Variants in SMARCA5 observed in about 807,000 individuals in gnomAD.
SMARCA5 encodes the protein SWI/SNF-related matrix-associated actin-dependent regulator of chromatin subfamily A member 5.
A neutral mutation model predicts 140.4 loss-of-function variants in SMARCA5; 18 were observed. That is an observed-to-expected ratio of 0.13 (90% confidence interval 0.09 to 0.19). The LOEUF (loss-of-function observed/expected upper bound fraction) is 0.19, where lower values mean the gene tolerates loss of function less well. Among genes scored for constraint, SMARCA5 ranks in the 10% least tolerant of loss-of-function variants. The pLI, the probability that SMARCA5 is intolerant of heterozygous loss-of-function variation, is 1.00. For synonymous variants in SMARCA5, 449 were observed against 419.6 expected (o/e 1.07, Z -0.86); for missense variants, 606 against 1,276.8 (o/e 0.47, Z 8.01).
chr4:143,523,345 T>A (rs1578793011), intron 3 of SMARCA5, among the ~76,000 whole-genome samples: 5 of 151,186 alleles, frequency 3.3e-5, no homozygotes, highest in South Asian at 2.1e-4. Flanking sequence ...GTTTTTTTTT[T>A]AAGTCATTCA....
chr4:143,557,078 G>C lies in SMARCA5; in HGVS notation c.*3894G>C, dbSNP rs759958803. On this transcript the variant is annotated 3_prime_UTR_variant, in exon 24 of 24. Transcript: ENST00000283131. ...GTTACCACAGATTCCCTTGTGTCCG[G>C]AGAGATTCCCTAGCTCTAATGACAG... is the stretch of plus-strand genomic sequence containing the variant. 15 of 152,184 alleles carry C rather than the reference G, an allele frequency of 9.9e-5. No individual in the cohort carries two copies. Among genetic ancestry groups the C allele is most frequent in the Non-Finnish European group, 1.6e-4 (11 of 68,052 alleles). 9.4% of individuals were successfully genotyped at this position (152,184 alleles called of 1,614,324 possible). A position where few individuals can be genotyped will look rare whatever the true frequency, so the allele number is the denominator to read the frequency against.
intron 10 of SMARCA5, 75 bp downstream of exon 10, chr4:143,535,039 T>G: frequency 9.5e-7 from 1 of 1,053,600 alleles, no homozygotes; most frequent in Non-Finnish European, 1.4e-6. Flanking sequence ...TTTTCCTAAT[T>G]TGTGTCTTCA....
intron 21 of SMARCA5, 149 bp from the exon 22 acceptor site, chr4:143,547,779 G>T: frequency 1.8e-6 from 1 of 550,334 alleles, no homozygotes; most frequent in South Asian, 3.0e-5. Context: ...GGTCTTTCGG[G>T]ACAAAGATTA....
In SMARCA5 at chr4:143,553,225, T is replaced by A; in HGVS notation, c.*41T>A. ...ATAATCACTAACTTTAAACCAGTAG[T>A]TCTTTAATTTACGGGTCTTCATAAG... On this transcript the variant is annotated 3_prime_UTR_variant, in exon 24 of 24. Coordinates refer to ENST00000283131, the MANE Select transcript of SMARCA5 (RefSeq NM_003601.4). The A allele has an allele frequency of 7.2e-7, 1 of 1,391,674 alleles. No individual in the cohort carries two copies. 86.2% of individuals were successfully genotyped at this position (1,391,674 alleles called of 1,614,324 possible). A position where few individuals can be genotyped will look rare whatever the true frequency, so the allele number is the denominator to read the frequency against.
At chr4:143,524,578 T>C (rs1737029786) in intron 4 of SMARCA5, 111 bp downstream of exon 4, 1 of 641,384 alleles carries the variant, frequency 1.6e-6, no homozygotes, top group African/African-American at 1.8e-5. Context: ...TTAGTAGTCT[T>C]AGATGTTTAT....
At chr4:143,535,719 G>T (rs116929367) in intron 10 of SMARCA5, among the ~76,000 whole-genome samples, 1 of 152,102 alleles carries the variant, frequency 6.6e-6, no homozygotes, top group Non-Finnish European at 1.5e-5. Context: ...GAGATGGAAA[G>T]GTCTGCCTTG....
At chr4:143,541,794 C>T (rs944815819) in intron 14 of SMARCA5, among the ~76,000 whole-genome samples, 1 of 152,146 alleles carries the variant, frequency 6.6e-6, no homozygotes, top group Non-Finnish European at 1.5e-5. Context: ...TTTCTTCACA[C>T]ATCCATGTGT....
chr4:143,547,252 T>G (rs890358422), intron 20 of SMARCA5, 133 bp from the exon 21 acceptor site: 11 of 587,324 alleles, frequency 1.9e-5, no homozygotes, highest in Non-Finnish European at 3.1e-5. Context: ...CATGTGAGGG[T>G]ATGCTGTGGT....
In SMARCA5 at chr4:143,554,421, C is replaced by G. The variant is rs115013821; in HGVS notation, c.*1237C>G. The G allele has an allele frequency of 6.6e-6, 1 of 151,954 alleles. No individual in the cohort carries two copies. Among genetic ancestry groups the G allele is most frequent in the African/African-American group, 2.4e-5 (1 of 41,376 alleles). The allele number at this position is 151,954 out of a possible 1,614,324, so 9.4% of individuals were successfully genotyped here. On this transcript the variant is annotated 3_prime_UTR_variant, in exon 24 of 24. Coordinates refer to ENST00000283131, the MANE Select transcript of SMARCA5 (RefSeq NM_003601.4). ...TAATTGTTTTCTCAATTTTTATTCA[C>G]TTTTTCCTTTAGGACACATTTCCCT...
chr4:143,536,401 G>T (rs1737305942), intron 10 of SMARCA5, 51 bp from the exon 11 acceptor site: 1 of 1,253,058 alleles, frequency 8.0e-7, no homozygotes, highest in Non-Finnish European at 1.2e-6. Context: ...AAGTGGCAGG[G>T]ATTGATCAAG....
chr4:143,514,300 T>C (rs1736775863), intron 1 of SMARCA5, 199 bp downstream of exon 1: 3 of 528,036 alleles, frequency 5.7e-6, no homozygotes, highest in African/African-American at 4.1e-5. Flanking sequence ...AATGGATTTC[T>C]GGCTCCTCAC....
chr4:143,530,381 C>A, intron 8 of SMARCA5, 77 bp from the exon 9 acceptor site: 3 of 870,986 alleles, frequency 3.4e-6, no homozygotes, highest in African/African-American at 1.7e-5. Flanking sequence ...TTCTAGAAAT[C>A]ATTTCTATAT....
At chr4:143,533,412 T>C (rs1737238405) in intron 9 of SMARCA5, among the ~76,000 whole-genome samples, 1 of 152,106 alleles carries the variant, frequency 6.6e-6, no homozygotes, top group Non-Finnish European at 1.5e-5. Flanking sequence ...TTTATTGAAG[T>C]GTGTACTTTT....
chr4:143,542,024 A>AT (rs1379067885), intron 14 of SMARCA5, among the ~76,000 whole-genome samples: 2 of 151,588 alleles, frequency 1.3e-5, no homozygotes, highest in African/African-American at 2.4e-5. Context: ...CACCTGGCTA[A>AT]TTTTTTTGTA....
chr4:143,551,193 C>T lies in SMARCA5; in HGVS notation c.3093+1089C>T, dbSNP rs181605451. On this transcript the variant is annotated intron_variant, in intron 23 of 23. Transcript: ENST00000283131. ...AACAGCTTTTAATATGCTTGTTTGCCATTTGTATGTCTTCCTTTGAGAATC... is the reference window on the plus strand; with the variant it reads ...AACAGCTTTTAATATGCTTGTTTGCTATTTGTATGTCTTCCTTTGAGAATC... 3.2e-4 allele frequency among the ~76,000 whole-genome samples: 48 copies of T among 152,140 alleles called. 3 individuals carry two copies. The highest frequency in any genetic ancestry group is 2.9e-3 in the Admixed American group (44 of 15,268).
At chr4:143,520,623 C>T (rs1428465185) in intron 2 of SMARCA5, among the ~76,000 whole-genome samples, 1 of 152,182 alleles carries the variant, frequency 6.6e-6, no homozygotes, top group Non-Finnish European at 1.5e-5. Flanking sequence ...CCCAAACTGA[C>T]ATTTTAAACA....
rs1736956667 is a variant in SMARCA5 at position 143,521,409 on chromosome 4, CTTAAATTT to C, written c.253-17_253-10del. 1 of 1,564,122 alleles carries C rather than the reference CTTAAATTT, an allele frequency of 6.4e-7. No homozygotes were observed. Among genetic ancestry groups the C allele is most frequent in the South Asian group, 1.2e-5 (1 of 85,380 alleles). On this transcript the variant is annotated splice_polypyrimidine_tract_variant and intron_variant, in intron 2 of 23. Coordinates refer to ENST00000283131, the MANE Select transcript of SMARCA5 (RefSeq NM_003601.4). ...TAATTGATACTCTGATAAAATGTAT[CTTAAATTT>C]TTTTTTTTCAGCAAACTGACCGGGC...
intron 1 of SMARCA5, among the ~76,000 whole-genome samples, chr4:143,514,908 T>G (rs116722805): frequency 6.6e-6 from 1 of 151,714 alleles, no homozygotes; most frequent in Non-Finnish European, 1.5e-5. Context: ...CCGAGACTTA[T>G]GGGTTTGGGT....
intron 23 of SMARCA5, among the ~76,000 whole-genome samples, chr4:143,550,333 GAGTA>G (rs1737618640): frequency 6.8e-6 from 1 of 148,018 alleles, no homozygotes; most frequent in Admixed American, 6.8e-5. Flanking sequence ...TAGTTGTTAT[GAGTA>G]AGTATGTATT....
Sources: gnomAD v4.1 joint callset for allele counts (sites outside exome capture counted in the v4.1 genomes callset) on GRCh38, gnomAD v4.1.1 for gene constraint, MANE v1.5 for transcripts, NCBI Gene and HGNC (gene_info 2026-07-23, HGNC 2026-07-21) for gene names.